Variants in PLD1 observed in about 807,000 individuals in gnomAD.
The protein encoded by PLD1 is phospholipase D1.
PLD1 carries 112 observed loss-of-function variants against 137.1 expected under a neutral mutation model. The ratio of observed to expected loss-of-function variants is 0.82; its 90% confidence interval spans 0.70 to 0.96. PLD1 has a LOEUF of 0.96. Ranked by LOEUF, PLD1 falls within the 40% of genes least tolerant of loss-of-function variation. The probability of loss-of-function intolerance (pLI) is 0.00; values close to 1 mark genes in which losing one functional copy is unlikely to be tolerated. For missense variants in PLD1, 1,321 were observed against 1,342.0 expected, an observed-to-expected ratio of 0.98 and a Z score of 0.24; for synonymous variants, 431 against 454.7, an observed-to-expected ratio of 0.95 and a Z score of 0.66.
In PLD1 at chr3:171,602,081, C is replaced by T. The variant is rs1731867162; in HGVS notation, c.*997G>A. ...TACTAACTTGGTAGGAGTTACGATG[C>T]CTCTGATTCTCTTGAAAGACAAACT... On this transcript the variant is annotated 3_prime_UTR_variant, in exon 27 of 27. Coordinates refer to ENST00000351298, the MANE Select transcript of PLD1 (RefSeq NM_002662.5). The T allele has an allele frequency of 1.3e-5, 2 of 152,112 alleles. No individual in the cohort carries two copies. Among genetic ancestry groups the T allele is most frequent in the African/African-American group, 2.4e-5 (1 of 41,426 alleles). The allele number at this position is 152,112 out of a possible 1,614,324, so 9.4% of individuals were successfully genotyped here.
intron 11 of PLD1, among the ~76,000 whole-genome samples, chr3:171,703,114 C>A (rs2108549073): frequency 6.6e-6 from 1 of 151,492 alleles, no homozygotes; most frequent in Non-Finnish European, 1.5e-5. Flanking sequence ...TATTATTCAA[C>A]AAATGCAGAA....
rs574116502 is a variant in PLD1, at chr3:171,605,434, T to C, written c.2883-18A>G. 7.1e-7 allele frequency: 1 copy of C among 1,401,792 alleles called. No homozygotes were observed. Among genetic ancestry groups the C allele is most frequent in the Non-Finnish European group, 1.0e-6 (1 of 986,094 alleles). The allele number at this position is 1,401,792 out of a possible 1,614,324, so 86.8% of individuals were successfully genotyped here. On this transcript the variant is annotated intron_variant, in intron 25 of 26. Coordinates refer to ENST00000351298, the MANE Select transcript of PLD1 (RefSeq NM_002662.5). ...GGACAACCCTGAAATACAAGTGACC[T>C]CCACATTGAGTAACTGAGATAAAGC...
intron 16 of PLD1, among the ~76,000 whole-genome samples, chr3:171,678,846 C>T (rs909600103): frequency 6.6e-6 from 1 of 152,074 alleles, no homozygotes; most frequent in Non-Finnish European, 1.5e-5. Context: ...ATGCAAATCA[C>T]GTGTTTCACT....
chr3:171,780,713 G>T (rs972076988), intron 1 of PLD1, among the ~76,000 whole-genome samples: 1 of 152,200 alleles, frequency 6.6e-6, no homozygotes, highest in Non-Finnish European at 1.5e-5. Flanking sequence ...AAACATGGAG[G>T]TCACTGATGT....
chr3:171,804,056 T>C (rs1723748562), intron 1 of PLD1, among the ~76,000 whole-genome samples: 1 of 152,178 alleles, frequency 6.6e-6, no homozygotes, highest in African/African-American at 2.4e-5. Context: ...AAAAACAATA[T>C]CTAAAACATC....
intron 1 of PLD1, among the ~76,000 whole-genome samples, chr3:171,788,204 A>C (rs12634181): frequency 6.8e-6 from 1 of 148,144 alleles, no homozygotes; most frequent in Non-Finnish European, 1.5e-5. Flanking sequence ...AAAAAAAAAA[A>C]AATAATAATA....
chr3:171,695,281 A>G (rs568612144), intron 12 of PLD1, among the ~76,000 whole-genome samples: 76 of 152,324 alleles, frequency 5.0e-4, no homozygotes, highest in African/African-American at 1.7e-3. Context: ...CTTTCAAAAC[A>G]TCCCATGCTT....
intron 9 of PLD1, among the ~76,000 whole-genome samples, chr3:171,712,035 G>A (rs1297984491): frequency 1.3e-5 from 2 of 152,172 alleles, no homozygotes; most frequent in Admixed American, 6.5e-5. Flanking sequence ...GAGGAGGGAG[G>A]TTGCTTTTTT....
At chr3:171,620,365 T>C (rs567376015) in intron 24 of PLD1, 21 bp downstream of exon 24, 2 of 1,521,612 alleles carry the variant, frequency 1.3e-6, no homozygotes, top group East Asian at 2.3e-5. Flanking sequence ...AATACAATTA[T>C]AGACCATATA....
chr3:171,801,979 C>G (rs187024180), intron 1 of PLD1, among the ~76,000 whole-genome samples: 1 of 152,336 alleles, frequency 6.6e-6, no homozygotes, highest in Admixed American at 6.5e-5. Flanking sequence ...TAGAAAGCTA[C>G]AGATTTTATT....
rs767688745 is a variant in PLD1, at chr3:171,687,593, A to AT, written c.1540-10_1540-9insA. 3.0e-4 allele frequency: 479 copies of AT among 1,571,224 alleles called. No individual in the cohort carries two copies. The highest frequency in any genetic ancestry group is 3.6e-4 in the Non-Finnish European group (410 of 1,147,572). On this transcript the variant is annotated splice_polypyrimidine_tract_variant and intron_variant, in intron 14 of 26. Coordinates refer to ENST00000351298, the MANE Select transcript of PLD1 (RefSeq NM_002662.5). ...GACTCCATTGCGGCAGGCTGAGAAA[A>AT]ATTTTTTTTTAAAAAAAGACACTGC...
At chr3:171,636,085 T>C (rs1735108296) in intron 23 of PLD1, among the ~76,000 whole-genome samples, 1 of 149,662 alleles carries the variant, frequency 6.7e-6, no homozygotes, top group Admixed American at 6.7e-5. Flanking sequence ...CTTGCTGAAA[T>C]TTAATTGACC....
chr3:171,742,020 T>C (rs75900269), intron 1 of PLD1, among the ~76,000 whole-genome samples: 5,116 of 135,894 alleles, frequency 0.038, 311 homozygotes, highest in African/African-American at 0.12. Context: ...ACAATAACTT[T>C]AGGAGCTGGG....
At chr3:171,650,853 C>T (rs1455085929) in intron 21 of PLD1, among the ~76,000 whole-genome samples, 1 of 151,816 alleles carries the variant, frequency 6.6e-6, no homozygotes, top group Non-Finnish European at 1.5e-5. Context: ...GAGCCAAAAT[C>T]GCGGCACTGC....
At chr3:171,651,572 C>A (rs979339416) in intron 21 of PLD1, among the ~76,000 whole-genome samples, 12 of 152,166 alleles carry the variant, frequency 7.9e-5, no homozygotes, top group Non-Finnish European at 1.5e-4. Context: ...CTTTACCTAT[C>A]CTCTATGTGA....
At chr3:171,775,452 T>C (rs974327076) in intron 1 of PLD1, among the ~76,000 whole-genome samples, 4 of 152,198 alleles carry the variant, frequency 2.6e-5, no homozygotes, top group African/African-American at 7.2e-5. Flanking sequence ...ATGTGTTTAA[T>C]TTTACAGAAT....
chr3:171,646,436 G>A (rs1736217795), intron 21 of PLD1, among the ~76,000 whole-genome samples: 1 of 152,180 alleles, frequency 6.6e-6, no homozygotes, highest in Non-Finnish European at 1.5e-5. Flanking sequence ...GGAAAGAGAA[G>A]TTCAGGGCAG....
chr3:171,773,489 C>T (rs1722477581), intron 1 of PLD1, among the ~76,000 whole-genome samples: 1 of 152,050 alleles, frequency 6.6e-6, no homozygotes, highest in African/African-American at 2.4e-5. Flanking sequence ...ATAATCCCAG[C>T]TACTCAGGAG....
At chr3:171,645,344 G>T (rs1736114984) in intron 21 of PLD1, among the ~76,000 whole-genome samples, 1 of 152,190 alleles carries the variant, frequency 6.6e-6, no homozygotes, top group African/African-American at 2.4e-5. Flanking sequence ...ATGGAAAGAG[G>T]CGGGTAGGGG....
Sources: allele counts gnomAD v4.1 joint callset (sites outside exome capture counted in the v4.1 genomes callset), GRCh38; gene constraint gnomAD v4.1.1; transcripts MANE v1.5; gene names NCBI Gene and HGNC (gene_info 2026-07-23, HGNC 2026-07-21).